Variants in SP100 observed in about 807,000 individuals in gnomAD.
SP100 encodes the protein SP100 nuclear body protein.
SP100 carries 84 observed loss-of-function variants against 130.0 expected under a neutral mutation model. The observed-to-expected ratio is 0.65, with a 90% CI of 0.54 to 0.77. The LOEUF is 0.77. SP100 is among the 30% of genes least tolerant of loss of function. The pLI is 0.00. For missense variants in SP100, 978 were observed against 1,052.2 expected, an observed-to-expected ratio of 0.93 and a Z score of 0.97; for synonymous variants, 331 against 351.7, an observed-to-expected ratio of 0.94 and a Z score of 0.66.
At chr2:230,529,440 G>C (rs1362235269) in intron 24 of SP100, among the ~76,000 whole-genome samples, 1 of 152,112 alleles carries the variant, frequency 6.6e-6, no homozygotes, top group Non-Finnish European at 1.5e-5. Context: ...AAAATAATAA[G>C]AGCTATTTAT....
intron 14 of SP100, 190 bp from the exon 15 acceptor site, chr2:230,469,825 C>G: frequency 1.3e-6 from 2 of 1,495,778 alleles, no homozygotes; most frequent in African/African-American, 1.4e-5. Flanking sequence ...CAGCCCCAGC[C>G]TCAGAGAGGG....
intron 19 of SP100, 52 bp downstream of exon 19, chr2:230,498,587 C>A: frequency 9.8e-7 from 1 of 1,021,414 alleles, no homozygotes; most frequent in Non-Finnish European, 1.3e-6. Context: ...TTCTCATGCT[C>A]TTAGTAAGAA....
chr2:230,436,170 T>C (rs1053645579), intron 2 of SP100, among the ~76,000 whole-genome samples: 2 of 152,246 alleles, frequency 1.3e-5, no homozygotes, highest in Non-Finnish European at 2.9e-5. Context: ...AAGATTTTTA[T>C]AGTTTTCTTC....
chr2:230,541,672 A>G (rs1692184334), intron 27 of SP100, among the ~76,000 whole-genome samples: 1 of 152,124 alleles, frequency 6.6e-6, no homozygotes, highest in Non-Finnish European at 1.5e-5. Context: ...AGAGAAGGAG[A>G]GAACTCTCCA....
chr2:230,432,472 G>A (rs987692800), intron 2 of SP100, among the ~76,000 whole-genome samples: 33 of 152,204 alleles, frequency 2.2e-4, no homozygotes, highest in South Asian at 6.2e-4. Flanking sequence ...CAGTGTTTCC[G>A]AAAGACCATT....
intron 2 of SP100, among the ~76,000 whole-genome samples, chr2:230,431,355 C>G (rs2063094047): frequency 6.6e-6 from 1 of 152,190 alleles, no homozygotes; most frequent in Non-Finnish European, 1.5e-5. Context: ...ACTGGAGAAA[C>G]CTTAGGCTCA....
intron 9 of SP100, among the ~76,000 whole-genome samples, chr2:230,462,102 C>T (rs1439417374): frequency 1.3e-5 from 2 of 151,044 alleles, no homozygotes; most frequent in Non-Finnish European, 2.9e-5. Flanking sequence ...AAAGAGACAC[C>T]ATCGCTGGAA....
chr2:230,443,201 C>A, intron 3 of SP100, 102 bp downstream of exon 3: 1 of 1,125,020 alleles, frequency 8.9e-7, no homozygotes, highest in Non-Finnish European at 1.3e-6. Flanking sequence ...TGCTAACTGA[C>A]AGGTCTCCTA....
intron 15 of SP100, among the ~76,000 whole-genome samples, chr2:230,471,395 C>G (rs1376231857): frequency 2.0e-5 from 3 of 152,156 alleles, no homozygotes; most frequent in Non-Finnish European, 4.4e-5. Context: ...GACAGGTTCC[C>G]TGGTTTCCTC....
chr2:230,506,088 C>T (rs1690073938), intron 21 of SP100, among the ~76,000 whole-genome samples: 1 of 152,134 alleles, frequency 6.6e-6, no homozygotes, highest in Non-Finnish European at 1.5e-5. Flanking sequence ...CTTCTCATTG[C>T]ATGATGGTCA....
At chr2:230,456,996 T>G (rs909680142) in intron 8 of SP100, among the ~76,000 whole-genome samples, 1 of 152,238 alleles carries the variant, frequency 6.6e-6, no homozygotes, top group Non-Finnish European at 1.5e-5. Flanking sequence ...CTTGTTGCCT[T>G]ACATTTATGT....
At chr2:230,498,631 C>A in intron 19 of SP100, 96 bp downstream of exon 19, 1 of 607,558 alleles carries the variant, frequency 1.6e-6, no homozygotes, top group South Asian at 3.9e-5. Flanking sequence ...TGTAGCTGTA[C>A]TTACTGTTGA....
chr2:230,456,925 C>A (rs2149948701), intron 8 of SP100, among the ~76,000 whole-genome samples: 1 of 152,264 alleles, frequency 6.6e-6, no homozygotes, highest in South Asian at 2.1e-4. Context: ...ACTTTGGGGT[C>A]TGCTATGGGG....
At chr2:230,524,994 T>C (rs542473585) in intron 24 of SP100, among the ~76,000 whole-genome samples, 29 of 152,216 alleles carry the variant, frequency 1.9e-4, no homozygotes, top group African/African-American at 6.0e-4. Flanking sequence ...AGGTTATTTA[T>C]GAAACAAGGT....
At chr2:230,447,396 T>G (rs2063757396) in intron 5 of SP100, among the ~76,000 whole-genome samples, 1 of 152,214 alleles carries the variant, frequency 6.6e-6, no homozygotes, top group Non-Finnish European at 1.5e-5. Context: ...TTTAATTGAA[T>G]TCTGGCACTA....
At chr2:230,485,150 A>T (rs751139373) in intron 17 of SP100, among the ~76,000 whole-genome samples, 1 of 151,278 alleles carries the variant, frequency 6.6e-6, no homozygotes. Flanking sequence ...ATGGGGTATC[A>T]CTATGTTGCC....
At chr2:230,466,146 C>A (rs570202328) in intron 11 of SP100, among the ~76,000 whole-genome samples, 155 bp from the exon 12 acceptor site, 1 of 137,616 alleles carries the variant, frequency 7.3e-6, no homozygotes, top group Non-Finnish European at 1.5e-5. Flanking sequence ...GATTGCACCA[C>A]TGCACTCCAG....
chr2:230,539,226 G>T, intron 24 of SP100, 41 bp from the exon 25 acceptor site: 2 of 1,259,490 alleles, frequency 1.6e-6, no homozygotes, highest in Non-Finnish European at 2.3e-6. Flanking sequence ...AGGGTCCAAG[G>T]GTCTCACTGA....
chr2:230,506,221 G>C (rs1163222220), intron 21 of SP100, 82 bp from the exon 22 acceptor site: 2 of 1,478,720 alleles, frequency 1.4e-6, no homozygotes, highest in Admixed American at 3.7e-5. Context: ...CCCAAAGTGG[G>C]TGGCCCCAGA....
Sources: allele counts gnomAD v4.1 joint callset (sites outside exome capture counted in the v4.1 genomes callset), GRCh38; gene constraint gnomAD v4.1.1; transcripts MANE v1.5; gene names NCBI Gene and HGNC (gene_info 2026-07-23, HGNC 2026-07-21).